The following TLK2 variants were observed in gnomAD, a reference collection of about 807,000 sequenced individuals.
TLK2 encodes serine/threonine-protein kinase tousled-like 2.
A neutral mutation model predicts 117.3 loss-of-function variants in TLK2; 6 were observed. The observed-to-expected ratio is 0.05, with a 90% CI of 0.03 to 0.10. The LOEUF (loss-of-function observed/expected upper bound fraction) is 0.10, where lower values mean the gene tolerates loss of function less well. Ranked by LOEUF, TLK2 falls within the 10% of genes least tolerant of loss-of-function variation. The probability of loss-of-function intolerance (pLI) is 1.00; values close to 1 mark genes in which losing one functional copy is unlikely to be tolerated. For synonymous variants in TLK2, 257 were observed against 316.7 expected, an observed-to-expected ratio of 0.81 and a Z score of 2.00; for missense variants, 299 against 901.2, an observed-to-expected ratio of 0.33 and a Z score of 8.56.
chr17:62,485,040 A>T (rs1443081086), intron 2 of TLK2, among the ~76,000 whole-genome samples: 1 of 152,132 alleles, frequency 6.6e-6, no homozygotes, highest in Non-Finnish European at 1.5e-5. Context: ...CAAAAAACAA[A>T]ACAAAACAAA....
intron 14 of TLK2, 78 bp from the exon 15 acceptor site, chr17:62,580,033 A>C (rs1325873476): frequency 9.1e-7 from 1 of 1,095,770 alleles, no homozygotes; most frequent in African/African-American, 1.6e-5. Context: ...ATAATGTGTT[A>C]GATATTCTGG....
chr17:62,523,118 T>G lies in TLK2; in HGVS notation c.224-16T>G. On this transcript the variant is annotated splice_polypyrimidine_tract_variant and intron_variant, in intron 4 of 21. Transcript: ENST00000346027. ...GTGTATTGGAAAAACTGTATTTACT[T>G]TGGTTTCATTTTCAGGGAAAGGCAC... 1 of 1,587,696 alleles carries G rather than the reference T, an allele frequency of 6.3e-7. No homozygotes were observed. The highest frequency in any genetic ancestry group is 8.5e-7 in the Non-Finnish European group (1 of 1,172,592).
In TLK2 at chr17:62,552,568, AG is replaced by A. The variant is rs753384369; in HGVS notation, c.627+173del. Among the ~76,000 whole-genome samples the A allele has an allele frequency of 9.7e-4, 147 of 152,256 alleles. 1 individual carries two copies. Among genetic ancestry groups the A allele is most frequent in the Non-Finnish European group, 1.8e-3 (121 of 68,018 alleles). ...TTATGGGTATTTAAAGTCCTTTGGA[AG>A]GTGCTTTAACTTTTTGAGGCTTTTC... On this transcript the variant is annotated intron_variant, in intron 8 of 21. Coordinates refer to ENST00000346027, the MANE Select transcript of TLK2 (RefSeq NM_006852.6).
chr17:62,582,594 T>C (rs1598742636), intron 15 of TLK2, among the ~76,000 whole-genome samples: 1 of 152,240 alleles, frequency 6.6e-6, no homozygotes, highest in Non-Finnish European at 1.5e-5. Flanking sequence ...TTTTTATTTA[T>C]GTTCATTCTT....
At chr17:62,544,226 C>A (rs909799304) in intron 7 of TLK2, among the ~76,000 whole-genome samples, 8 of 152,144 alleles carry the variant, frequency 5.3e-5, no homozygotes, top group Non-Finnish European at 1.0e-4. Flanking sequence ...CAAAGAACTA[C>A]CTGAGACTGG....
At chr17:62,489,348 G>A (rs1598156992) in intron 2 of TLK2, among the ~76,000 whole-genome samples, 2 of 151,858 alleles carry the variant, frequency 1.3e-5, no homozygotes, top group Non-Finnish European at 2.9e-5. Flanking sequence ...CTAAAGGCAC[G>A]TGCCACCATG....
intron 7 of TLK2, among the ~76,000 whole-genome samples, chr17:62,542,746 T>A (rs1264522155): frequency 6.6e-6 from 1 of 152,220 alleles, no homozygotes; most frequent in African/African-American, 2.4e-5. Flanking sequence ...GATCTTTTTT[T>A]CCCTTAATGG....
intron 12 of TLK2, among the ~76,000 whole-genome samples, chr17:62,576,219 G>C (rs2080775163): frequency 6.6e-6 from 1 of 152,242 alleles, no homozygotes; most frequent in African/African-American, 2.4e-5. Context: ...CACATGGCCA[G>C]TAGCTTAGTA....
chr17:62,524,231 G>A lies in TLK2; in HGVS notation c.268-5G>A. On this transcript the variant is annotated splice_polypyrimidine_tract_variant and splice_region_variant and intron_variant, in intron 5 of 21. Coordinates refer to ENST00000346027, the MANE Select transcript of TLK2 (RefSeq NM_006852.6). ...TATTCATATCGGTTTTTCCCTGTTG[G>A]CCAGTTTGCTGGGGGAAGCGCGCCA... 3.7e-6 allele frequency: 6 copies of A among 1,613,708 alleles called. No homozygotes were observed. Among genetic ancestry groups the A allele is most frequent in the Non-Finnish European group, 5.1e-6 (6 of 1,179,808 alleles).
chr17:62,515,337 T>G (rs2075494533), intron 2 of TLK2, among the ~76,000 whole-genome samples: 1 of 152,222 alleles, frequency 6.6e-6, no homozygotes, highest in African/African-American at 2.4e-5. Context: ...CTCTTTTGAG[T>G]ATATTCCCAG....
intron 2 of TLK2, among the ~76,000 whole-genome samples, chr17:62,504,466 C>T (rs1297182689): frequency 1.3e-5 from 2 of 152,094 alleles, no homozygotes; most frequent in Non-Finnish European, 1.5e-5. Flanking sequence ...TACCCTTGGA[C>T]CATCCCATGT....
chr17:62,555,583 A>G (rs2078797313), intron 9 of TLK2, among the ~76,000 whole-genome samples: 1 of 150,664 alleles, frequency 6.6e-6, no homozygotes, highest in Non-Finnish European at 1.5e-5. Context: ...CCTGGGGTCA[A>G]GCAATTCTCC....
At chr17:62,586,604 G>A (rs2081624288) in intron 16 of TLK2, among the ~76,000 whole-genome samples, 2 of 152,104 alleles carry the variant, frequency 1.3e-5, no homozygotes, top group African/African-American at 2.4e-5. Context: ...GGCAGATCAC[G>A]AAGTCAGGAG....
chr17:62,511,229 A>T (rs1436466068), intron 2 of TLK2, among the ~76,000 whole-genome samples: 1 of 152,224 alleles, frequency 6.6e-6, no homozygotes, highest in Non-Finnish European at 1.5e-5. Flanking sequence ...AAACTACTTC[A>T]TCATAAGGCT....
At chr17:62,491,248 T>C (rs2073084786) in intron 2 of TLK2, among the ~76,000 whole-genome samples, 1 of 152,244 alleles carries the variant, frequency 6.6e-6, no homozygotes. Context: ...GCATTGGCGT[T>C]GTCATCACTC....
rs371212708 is a variant in TLK2, at chr17:62,502,029, A to ATTT, written c.82-18729_82-18727dup. ...TCAAACATTTAAGGAAAAAATACCAATTTTTTTTTTTTTTTTTACAAATTT... is the reference window on the plus strand; with the variant it reads ...TCAAACATTTAAGGAAAAAATACCAATTTTTTTTTTTTTTTTTTTTACAAATTT... On this transcript the variant is annotated intron_variant, in intron 2 of 21. Transcript: ENST00000346027. Among the ~76,000 whole-genome samples, 823 of 137,458 alleles carry ATTT rather than the reference A, an allele frequency of 6.0e-3. 21 individuals carry two copies. The highest frequency in any genetic ancestry group is 0.022 in the African/African-American group (791 of 36,652). The allele number at this position is 137,458 out of a possible 152,430, so 90.2% of individuals were successfully genotyped here. A position where few individuals can be genotyped will look rare whatever the true frequency, so the allele number is the denominator to read the frequency against.
At chr17:62,610,979 A>G (rs1480376056) in intron 21 of TLK2, among the ~76,000 whole-genome samples, 2 of 152,112 alleles carry the variant, frequency 1.3e-5, no homozygotes, top group Non-Finnish European at 2.9e-5. Context: ...TTTCTACAAA[A>G]TATTTTAAAA....
intron 7 of TLK2, among the ~76,000 whole-genome samples, chr17:62,546,344 G>GTTTTTTGTTTTTTTTTTTTTTTTT (rs2077921917): frequency 4.3e-5 from 1 of 23,346 alleles, no homozygotes; most frequent in Non-Finnish European, 9.6e-5. Flanking sequence ...TTTGTTGATT[G>GTTTTTTGTTTTTTTTTTTTTTTTT]TTTTTTTTTT....
rs531346835 is a variant in TLK2, at chr17:62,586,296, G to C, written c.1460+70G>C. On this transcript the variant is annotated intron_variant, in intron 16 of 21. Transcript: ENST00000346027. ...CTGTAGTTTGAGCATTATGCTACAA[G>C]CTTTACGTGCATTGTTGTTGGTTTT... is the stretch of plus-strand genomic sequence containing the variant. 1.0e-4 allele frequency: 111 copies of C among 1,065,934 alleles called. 1 individual carries two copies. The South Asian group carries it at 1.5e-3, about 14-fold the overall frequency. The allele number at this position is 1,065,934 out of a possible 1,614,324, so 66.0% of individuals were successfully genotyped here. A position where few individuals can be genotyped will look rare whatever the true frequency, so the allele number is the denominator to read the frequency against.
Sources: gnomAD v4.1 joint callset for allele counts (sites outside exome capture counted in the v4.1 genomes callset) on GRCh38, gnomAD v4.1.1 for gene constraint, MANE v1.5 for transcripts, NCBI Gene and HGNC (gene_info 2026-07-23, HGNC 2026-07-21) for gene names.